The following RBM5 variants were observed in gnomAD, a reference collection of about 807,000 sequenced individuals.
The protein encoded by RBM5 is RNA-binding protein 5.
In RBM5, 15 loss-of-function variants were observed where a neutral mutation model predicts 124.6. The ratio of observed to expected loss-of-function variants is 0.12; its 90% confidence interval spans 0.08 to 0.19. RBM5 has a LOEUF of 0.19. Among genes scored for constraint, RBM5 ranks in the 10% least tolerant of loss-of-function variants. The probability of loss-of-function intolerance (pLI) is 1.00; values close to 1 mark genes in which losing one functional copy is unlikely to be tolerated. For missense variants in RBM5, 580 were observed against 1,026.5 expected, an observed-to-expected ratio of 0.57 and a Z score of 5.94; for synonymous variants, 337 against 361.2, an observed-to-expected ratio of 0.93 and a Z score of 0.76.
chr3:50,118,190 CT>C, intron 24 of RBM5, 140 bp from the exon 25 acceptor site: 1 of 1,196,010 alleles, frequency 8.4e-7, no homozygotes, highest in South Asian at 1.6e-5. Flanking sequence ...CTGGTCTCTT[CT>C]GGAGAAATCC....
chr3:50,094,026 A>C (rs11130241), intron 4 of RBM5, 151 bp downstream of exon 4: 1 of 651,488 alleles, frequency 1.5e-6, no homozygotes. Context: ...CTGTTTTGAT[A>C]TTTTTTTTTA....
At chr3:50,097,616 T>G (rs1311073599) in intron 4 of RBM5, among the ~76,000 whole-genome samples, 1 of 152,046 alleles carries the variant, frequency 6.6e-6, no homozygotes, top group Admixed American at 6.6e-5. Flanking sequence ...CCTGATATTA[T>G]TGATGAAGAG....
At chr3:50,109,560 G>A (rs927900614) in intron 14 of RBM5, 43 bp from the exon 15 acceptor site, 8 of 1,531,466 alleles carry the variant, frequency 5.2e-6, no homozygotes, top group South Asian at 2.2e-5. Context: ...TTGGGTTGGC[G>A]TTCAGTGCCT....
intron 3 of RBM5, chr3:50,092,732 CTG>C (rs1264165629): frequency 2.2e-6 from 1 of 453,584 alleles, no homozygotes; most frequent in African/African-American, 2.0e-5. Context: ...CATATTAGTT[CTG>C]TGTTTTGAAA....
At chr3:50,109,502 T>C (rs1268628932) in intron 14 of RBM5, 101 bp from the exon 15 acceptor site, 2 of 907,038 alleles carry the variant, frequency 2.2e-6, no homozygotes, top group African/African-American at 1.7e-5. Flanking sequence ...AGAACTGACA[T>C]ATACAATGAC....
chr3:50,100,386 GA>G lies in RBM5; in HGVS notation c.410-144del, dbSNP rs1205244306. 1.5e-6 allele frequency: 1 copy of G among 681,614 alleles called. No homozygotes were observed. The highest frequency in any genetic ancestry group is 2.5e-6 in the Non-Finnish European group (1 of 403,888). 42.2% of individuals were successfully genotyped at this position (681,614 alleles called of 1,614,324 possible). Reference sequence around the variant, plus strand: ...GTTCCTTGCCATGGCAAAGTATCAAGAAGATCCCCAAGTCAAGTCACATTTG... The same window carrying G: ...GTTCCTTGCCATGGCAAAGTATCAAGAGATCCCCAAGTCAAGTCACATTTG... On this transcript the variant is annotated intron_variant, in intron 5 of 24. Transcript: ENST00000347869. This position sits in a 1 kb window ranked among gnomAD's most constrained non-coding sequence, Gnocchi z 5.1.
Position 50,096,114 on chromosome 3 carries a change from C to T in RBM5, c.339+2239C>T, listed in dbSNP as rs117115579. Reference sequence around the variant, plus strand: ...CTGTACATGTTAGATGCTACAGTGACACAGAGCTATGGATCTTGCCTCAAA... The same window carrying T: ...CTGTACATGTTAGATGCTACAGTGATACAGAGCTATGGATCTTGCCTCAAA... On this transcript the variant is annotated intron_variant, in intron 4 of 24. Transcript: ENST00000347869. Among the ~76,000 whole-genome samples, 18 of 152,178 alleles carry T rather than the reference C, an allele frequency of 1.2e-4. No individual in the cohort carries two copies. The East Asian group carries it at 2.3e-3, about 20-fold the overall frequency.
chr3:50,090,537 A>G, intron 2 of RBM5, 86 bp downstream of exon 2: 3 of 1,513,122 alleles, frequency 2.0e-6, no homozygotes, highest in Admixed American at 1.8e-5. Context: ...AAACTAATAT[A>G]TGAGTGTTTT....
chr3:50,109,275 G>A (rs1377037821), intron 14 of RBM5, among the ~76,000 whole-genome samples: 4 of 152,096 alleles, frequency 2.6e-5, no homozygotes, highest in South Asian at 4.1e-4. Flanking sequence ...GGGTTTCACC[G>A]TGTTAGCCAG....
intron 18 of RBM5, 33 bp from the exon 19 acceptor site, chr3:50,113,917 A>AT (rs531346981): frequency 1.9e-6 from 3 of 1,599,250 alleles, no homozygotes; most frequent in East Asian, 2.2e-5. Context: ...GGGATTAAAT[A>AT]TTTTTTTGTT....
chr3:50,117,048 C>G lies in RBM5; in HGVS notation c.2095-26C>G, dbSNP rs938105291. On this transcript the variant is annotated intron_variant, in intron 22 of 24. Transcript: ENST00000347869. The surrounding 1 kb of genome is among the most constrained non-coding windows in gnomAD (Gnocchi z 4.2). ...TACAGGTTGAAGTCTGTGAACATTT[C>G]CAGCAGTGTTTTTTCTCCCATGTAG... 6.3e-7 allele frequency: 1 copy of G among 1,594,320 alleles called. No homozygotes were observed. The highest frequency in any genetic ancestry group is 8.6e-7 in the Non-Finnish European group (1 of 1,162,134).
chr3:50,109,131 T>C (rs1373293878), intron 14 of RBM5, among the ~76,000 whole-genome samples: 1 of 152,192 alleles, frequency 6.6e-6, no homozygotes, highest in Non-Finnish European at 1.5e-5. Context: ...TGGAGTGCGG[T>C]GGCGTTATCT....
chr3:50,113,438 C>A lies in RBM5; in HGVS notation c.1511C>A (p.Thr504Asn), dbSNP rs2091184665. 1.2e-6 allele frequency: 2 copies of A among 1,614,014 alleles called. No homozygotes were observed. The highest frequency in any genetic ancestry group is 1.7e-6 in the Non-Finnish European group (2 of 1,179,994). Residue 504 changes from threonine to asparagine, a missense_variant, in exon 18 of 25, where the codon ACC becomes AAC. Coordinates refer to ENST00000347869, the MANE Select transcript of RBM5 (RefSeq NM_005778.4). ...QYLYWDGEKE[T>N]YVPAAESSSH... ...CTTTACTGGGATGGGGAAAAAGAGA[C>A]CTACGTGCCAGCTGCAGAGTCTAGC...
intron 21 of RBM5, 35 bp downstream of exon 21, chr3:50,115,642 GGGGAGGCAGTGA>G: frequency 6.4e-7 from 1 of 1,573,180 alleles, no homozygotes; most frequent in Non-Finnish European, 8.6e-7. Flanking sequence ...GAGGGGGCGA[GGGGAGGCAGTGA>G]GACAATTTGA....
At chr3:50,092,639 C>T in intron 3 of RBM5, 1 of 380,644 alleles carries the variant, frequency 2.6e-6, no homozygotes, top group South Asian at 1.9e-5. Context: ...CACTTGACTT[C>T]ATGAATTCAT....
intron 4 of RBM5, chr3:50,099,697 C>CAAA (rs879899576): frequency 4.5e-5 from 6 of 134,216 alleles, no homozygotes; most frequent in South Asian, 1.7e-4. Context: ...GACTCCGTCT[C>CAAA]AAAAAAAAAA....
rs112672304 is a variant in RBM5 at position 50,118,454 on chromosome 3, T to TGA, written c.*19_*20dup. ...GTTTGCCCGGTTCACTGAGATGGAG[T>TGA]GAGAGAGAGAGAGAGAGAGAGATGA... The part of the protein sequence containing the change: ...AMFARFTEME[*] Residue 816 remains the stop codon, a frameshift_variant and stop_retained_variant, in exon 25 of 25, where the codon TGA becomes TGAGA. Transcript: ENST00000347869. LOFTEE classifies it high-confidence loss of function. The TGA allele has an allele frequency of 5.9e-4, 934 of 1,575,830 alleles. No homozygotes were observed. Among genetic ancestry groups the TGA allele is most frequent in the South Asian group, 2.6e-3 (232 of 89,418 alleles).
chr3:50,111,043 A>G (rs908929678), intron 17 of RBM5, among the ~76,000 whole-genome samples: 2 of 152,246 alleles, frequency 1.3e-5, no homozygotes, highest in Admixed American at 6.5e-5. Flanking sequence ...ACATTTGTAT[A>G]TTACATGTGT....
chr3:50,100,757 G>A lies in RBM5; in HGVS notation c.483+152G>A. The A allele has an allele frequency of 1.8e-6, 1 of 565,474 alleles. No homozygotes were observed. Among genetic ancestry groups the A allele is most frequent in the Admixed American group, 3.1e-5 (1 of 32,706 alleles). 35.0% of individuals were successfully genotyped at this position (565,474 alleles called of 1,614,324 possible). On this transcript the variant is annotated intron_variant, in intron 6 of 24. Coordinates refer to ENST00000347869, the MANE Select transcript of RBM5 (RefSeq NM_005778.4). The surrounding 1 kb of genome is among the most constrained non-coding windows in gnomAD (Gnocchi z 5.1). ...ATTAAAATTGATGTTACTAGAATAA[G>A]TACAGTACCAAGGACTTCATTATAG...
Sources: allele counts gnomAD v4.1 joint callset (sites outside exome capture counted in the v4.1 genomes callset), GRCh38; gene constraint gnomAD v4.1.1; non-coding constraint Gnocchi (gnomAD v3.1); transcripts MANE v1.5; gene names NCBI Gene and HGNC (gene_info 2026-07-23, HGNC 2026-07-21).